STXBP3: variants seen among roughly 807,000 people sequenced by gnomAD.
STXBP3 encodes syntaxin binding protein 3.
A neutral mutation model predicts 85.7 loss-of-function variants in STXBP3; 41 were observed. That is an observed-to-expected ratio of 0.48 (90% confidence interval 0.37 to 0.62). The LOEUF is 0.62. Among genes scored for constraint, STXBP3 ranks in the 20% least tolerant of loss-of-function variants. STXBP3 has a pLI of 0.00. For synonymous variants in STXBP3, 229 were observed against 231.7 expected, an observed-to-expected ratio of 0.99 and a Z score of 0.10; for missense variants, 563 against 703.1, an observed-to-expected ratio of 0.80 and a Z score of 2.25.
At chr1:108,774,631 CTT>C (rs1451534308) in intron 7 of STXBP3, among the ~76,000 whole-genome samples, 4 of 131,912 alleles carry the variant, frequency 3.0e-5, no homozygotes, top group Non-Finnish European at 6.2e-5. Flanking sequence ...CTTTTTCTCT[CTT>C]TCTTTCCTTT....
chr1:108,771,433 GATAT>G (rs373102347), intron 6 of STXBP3, among the ~76,000 whole-genome samples: 1 of 83,376 alleles, frequency 1.2e-5, no homozygotes, highest in South Asian at 3.5e-4. Context: ...AAATATATAT[GATAT>G]ATATCTATAT....
chr1:108,748,396 C>T (rs1156892241), intron 1 of STXBP3, among the ~76,000 whole-genome samples: 2 of 152,144 alleles, frequency 1.3e-5, no homozygotes, highest in Admixed American at 6.5e-5. Context: ...GTGACATGCA[C>T]CTGTGTTCCC....
chr1:108,748,413 A>G (rs1661838366), intron 1 of STXBP3, among the ~76,000 whole-genome samples: 1 of 152,108 alleles, frequency 6.6e-6, no homozygotes, highest in South Asian at 2.1e-4. Context: ...TCCCACCTAC[A>G]TGGGAGGCTG....
intron 4 of STXBP3, among the ~76,000 whole-genome samples, chr1:108,757,998 G>T (rs929582301): frequency 2.6e-5 from 4 of 151,984 alleles, no homozygotes; most frequent in African/African-American, 9.7e-5. Context: ...ATACAAAATT[G>T]TATATTCCTC....
chr1:108,777,700 T>C (rs924966147), intron 8 of STXBP3, among the ~76,000 whole-genome samples: 8 of 152,204 alleles, frequency 5.3e-5, no homozygotes, highest in African/African-American at 1.7e-4. Flanking sequence ...GGAAAATTAA[T>C]CATCCTTCAA....
At chr1:108,805,383 A>G (rs1264540772) in intron 17 of STXBP3, among the ~76,000 whole-genome samples, 1 of 151,006 alleles carries the variant, frequency 6.6e-6, no homozygotes, top group Non-Finnish European at 1.5e-5. Context: ...CTTTAAGGTA[A>G]TGAATGGAAG....
intron 1 of STXBP3, among the ~76,000 whole-genome samples, chr1:108,748,339 A>G (rs1195634055): frequency 2.6e-5 from 4 of 152,004 alleles, no homozygotes; most frequent in African/African-American, 9.7e-5. Flanking sequence ...TGGGCAACAA[A>G]GTGAGACCCC....
At chr1:108,764,563 T>C (rs894971048) in intron 6 of STXBP3, among the ~76,000 whole-genome samples, 14 of 152,310 alleles carry the variant, frequency 9.2e-5, no homozygotes, top group African/African-American at 3.4e-4. Context: ...GCATATGTTA[T>C]TTTTTGACTT....
chr1:108,771,479 T>TATATATATAATATATAAATATATATG (rs1557805548), intron 6 of STXBP3, among the ~76,000 whole-genome samples: 6 of 52,022 alleles, frequency 1.2e-4, no homozygotes, highest in African/African-American at 5.0e-4. Context: ...GATATATATC[T>TATATATATAATATATAAATATATATG]ATATATATCA....
At chr1:108,788,508 G>A (rs988910221) in intron 11 of STXBP3, among the ~76,000 whole-genome samples, 2 of 152,158 alleles carry the variant, frequency 1.3e-5, no homozygotes. Flanking sequence ...ATTCACCATT[G>A]AAGCAGTTCA....
chr1:108,779,375 A>G lies in STXBP3; in HGVS notation c.774A>G (p.Ala258=). 6.2e-7 allele frequency: 1 copy of G among 1,612,926 alleles called. No homozygotes were observed. Among genetic ancestry groups the G allele is most frequent in the Non-Finnish European group, 8.5e-7 (1 of 1,179,288 alleles). Residue 258 remains alanine (A), a synonymous_variant, in exon 9 of 19, where the codon GCA becomes GCG. Transcript: ENST00000370008. ...VLHELTFQAM[A]YDLLPIENDT... Reference sequence around the variant, plus strand: ...ATGAACTGACCTTTCAGGCAATGGCATATGATCTACTACCAATTGAGAATG... The same window carrying G: ...ATGAACTGACCTTTCAGGCAATGGCGTATGATCTACTACCAATTGAGAATG...
At chr1:108,747,036 C>T (rs1661800348) in intron 1 of STXBP3, among the ~76,000 whole-genome samples, 1 of 151,186 alleles carries the variant, frequency 6.6e-6, no homozygotes, top group Non-Finnish European at 1.5e-5. Context: ...CGGCCGCGCT[C>T]TGGCCGCGAA....
At chr1:108,774,864 G>A (rs1662552568) in intron 7 of STXBP3, among the ~76,000 whole-genome samples, 1 of 151,744 alleles carries the variant, frequency 6.6e-6, no homozygotes, top group South Asian at 2.1e-4. Context: ...TTGGTGATTG[G>A]TTACGTTCAG....
At chr1:108,752,565 G>A (rs1480623215) in intron 2 of STXBP3, among the ~76,000 whole-genome samples, 1 of 152,076 alleles carries the variant, frequency 6.6e-6, no homozygotes, top group Non-Finnish European at 1.5e-5. Flanking sequence ...GACTATATAG[G>A]GTCTGGAATC....
At chr1:108,786,461 G>A (rs1158646535) in intron 11 of STXBP3, among the ~76,000 whole-genome samples, 1 of 152,310 alleles carries the variant, frequency 6.6e-6, no homozygotes, top group East Asian at 1.9e-4. Context: ...AATTAATTTT[G>A]ATTTATGGTG....
Position 108,772,462 on chromosome 1 carries a change from T to TG in STXBP3, c.439-203_439-202insG, listed in dbSNP as rs569621680. On this transcript the variant is annotated intron_variant, in intron 6 of 18. Transcript: ENST00000370008. The stretch of plus-strand genomic sequence containing the variant: ...TCTATCTGTATAATATATAAATACA[T>TG]ATATCTATCTGTATAATATATAAAT... Among the ~76,000 whole-genome samples, 573 of 142,764 alleles carry TG rather than the reference T, an allele frequency of 4.0e-3. 6 individuals carry two copies. Among genetic ancestry groups the TG allele is most frequent in the Non-Finnish European group, 6.9e-3 (451 of 65,794 alleles). 93.7% of individuals were successfully genotyped at this position (142,764 alleles called of 152,430 possible). A position where few individuals can be genotyped will look rare whatever the true frequency, so the allele number is the denominator to read the frequency against.
chr1:108,764,032 C>T (rs1662205321), intron 6 of STXBP3, among the ~76,000 whole-genome samples: 1 of 152,142 alleles, frequency 6.6e-6, no homozygotes, highest in South Asian at 2.1e-4. Flanking sequence ...CCTTTCCCTC[C>T]TCCCACCCTC....
At chr1:108,801,490 C>T (rs1663232021) in intron 17 of STXBP3, among the ~76,000 whole-genome samples, 1 of 151,936 alleles carries the variant, frequency 6.6e-6, no homozygotes, top group South Asian at 2.1e-4. Flanking sequence ...AATTTTTTAT[C>T]TTAGCTTCTA....
chr1:108,791,396 T>C (rs1662971630), intron 11 of STXBP3, among the ~76,000 whole-genome samples: 1 of 152,182 alleles, frequency 6.6e-6, no homozygotes, highest in Non-Finnish European at 1.5e-5. Context: ...ACTTTCATTA[T>C]GTTTGTAAAA....
Sources: allele counts gnomAD v4.1 joint callset (sites outside exome capture counted in the v4.1 genomes callset), GRCh38; gene constraint gnomAD v4.1.1; transcripts MANE v1.5; gene names NCBI Gene and HGNC (gene_info 2026-07-23, HGNC 2026-07-21).